Variants in RBMS3 observed in about 807,000 individuals in gnomAD.
RBMS3 encodes RNA binding motif single stranded interacting protein 3.
A neutral mutation model predicts 66.8 loss-of-function variants in RBMS3; 27 were observed. The ratio of observed to expected loss-of-function variants is 0.40; its 90% CI spans 0.30 to 0.56. The LOEUF is 0.56. Ranked by LOEUF, RBMS3 falls within the 20% of genes least tolerant of loss-of-function variation. RBMS3 has a pLI of 0.40. For synonymous variants in RBMS3, 188 were observed against 183.0 expected, an observed-to-expected ratio of 1.03 and a Z score of -0.22; for missense variants, 513 against 549.5, an observed-to-expected ratio of 0.93 and a Z score of 0.66.
chr3:29,542,024 T>C (rs1372556311), intron 3 of RBMS3, among the ~76,000 whole-genome samples: 1 of 152,198 alleles, frequency 6.6e-6, no homozygotes, highest in Non-Finnish European at 1.5e-5. Flanking sequence ...TTATCACAAA[T>C]ATATGTTTAG....
At chr3:29,489,735 G>A (rs1479607125) in intron 3 of RBMS3, among the ~76,000 whole-genome samples, 1 of 114,292 alleles carries the variant, frequency 8.7e-6, no homozygotes, top group South Asian at 2.9e-4. Context: ...GACCCACGTA[G>A]CTGTAAAAAA....
intron 6 of RBMS3, among the ~76,000 whole-genome samples, chr3:29,833,088 G>A (rs1362256171): frequency 6.6e-6 from 1 of 152,138 alleles, no homozygotes; most frequent in Non-Finnish European, 1.5e-5. Flanking sequence ...CTCCCTAAGA[G>A]GGAACAAGTG....
intron 4 of RBMS3, among the ~76,000 whole-genome samples, chr3:29,602,547 T>A (rs1169316928): frequency 6.6e-6 from 1 of 152,022 alleles, no homozygotes; most frequent in Non-Finnish European, 1.5e-5. Context: ...AGTTGAAGAA[T>A]GTAACCATAA....
chr3:29,714,937 A>G (rs1196470852), intron 4 of RBMS3, among the ~76,000 whole-genome samples: 1 of 152,120 alleles, frequency 6.6e-6, no homozygotes, highest in East Asian at 1.9e-4. Flanking sequence ...AGTGAGCTAT[A>G]TATTTTCCAT....
chr3:29,901,858 G>A (rs781571431), intron 10 of RBMS3, among the ~76,000 whole-genome samples: 26 of 151,776 alleles, frequency 1.7e-4, no homozygotes, highest in Non-Finnish European at 3.1e-4. Flanking sequence ...GGAGAAAAGG[G>A]CAAAACAGTA....
chr3:29,609,600 T>C (rs1347673522), intron 4 of RBMS3, among the ~76,000 whole-genome samples: 11 of 152,014 alleles, frequency 7.2e-5, no homozygotes, highest in African/African-American at 2.7e-4. Context: ...GAATCTGTAC[T>C]GCTGTCATCT....
At chr3:29,635,734 C>T (rs777114653) in intron 4 of RBMS3, among the ~76,000 whole-genome samples, 3 of 151,902 alleles carry the variant, frequency 2.0e-5, no homozygotes, top group Non-Finnish European at 2.9e-5. Flanking sequence ...TCAAGATACA[C>T]GTTTCCTATT....
chr3:29,996,973 C>T lies in RBMS3; in HGVS notation c.1307+5764C>T, dbSNP rs909109975. 7.9e-5 allele frequency among the ~76,000 whole-genome samples: 12 copies of T among 152,114 alleles called. No individual in the cohort carries two copies. In the East Asian group the frequency reaches 1.9e-3, roughly 24 times the overall value. ...AAAACCCTTCAAAAAATTAATGAAT[C>T]CAGGAGCTGGTTTTTTGAAAAGATC... is the stretch of plus-strand genomic sequence containing the variant. On this transcript the variant is annotated intron_variant, in intron 14 of 14. Transcript: ENST00000383767.
intron 1 of RBMS3, among the ~76,000 whole-genome samples, chr3:29,412,175 G>A (rs550469525): frequency 5.5e-4 from 84 of 152,258 alleles, no homozygotes; most frequent in African/African-American, 2.0e-3. Context: ...CCAAAAATAA[G>A]GAGCTCATAT....
chr3:29,856,057 G>T (rs2059067071), intron 6 of RBMS3, among the ~76,000 whole-genome samples: 1 of 152,182 alleles, frequency 6.6e-6, no homozygotes, highest in African/African-American at 2.4e-5. Flanking sequence ...AAATGAAATT[G>T]ATTTATAATT....
chr3:29,730,789 G>A lies in RBMS3; in HGVS notation c.400-8931G>A, dbSNP rs1050626951. On this transcript the variant is annotated intron_variant, in intron 4 of 14. Coordinates refer to ENST00000383767, the MANE Select transcript of RBMS3 (RefSeq NM_001003793.3). ...TCTCATTTTTGACCATCAGGACCAC[G>A]AGTACAAAACAATATATATTTGTGA... is the stretch of plus-strand genomic sequence containing the variant. The A allele has an allele frequency of 2.0e-5, 17 of 850,032 alleles. No homozygotes were observed. The African/African-American group carries it at 2.4e-4, about 12-fold the overall frequency. 52.7% of individuals were successfully genotyped at this position (850,032 alleles called of 1,614,324 possible).
intron 3 of RBMS3, among the ~76,000 whole-genome samples, chr3:29,542,014 T>C (rs1021484202): frequency 7.9e-5 from 12 of 152,128 alleles, no homozygotes; most frequent in African/African-American, 2.9e-4. Flanking sequence ...CCCTTGAAAA[T>C]TATCACAAAT....
Position 30,006,254 on chromosome 3 carries a change from G to A in RBMS3, c.*2392G>A, listed in dbSNP as rs755360307. ...TTAAAGGTAAATCATATTCCCATTA[G>A]GTCAACATGAGTAATAAGGTTGACT... is the stretch of plus-strand genomic sequence containing the variant. On this transcript the variant is annotated 3_prime_UTR_variant, in exon 15 of 15. Coordinates refer to ENST00000383767, the MANE Select transcript of RBMS3 (RefSeq NM_001003793.3). 2 of 151,928 alleles carry A rather than the reference G, an allele frequency of 1.3e-5. No individual in the cohort carries two copies. The highest frequency in any genetic ancestry group is 4.8e-5 in the African/African-American group (2 of 41,506). 9.4% of individuals were successfully genotyped at this position (151,928 alleles called of 1,614,324 possible).
intron 14 of RBMS3, among the ~76,000 whole-genome samples, chr3:29,994,482 C>G (rs1699087863): frequency 1.3e-5 from 2 of 152,230 alleles, no homozygotes; most frequent in African/African-American, 2.4e-5. Flanking sequence ...GGACAGGGCA[C>G]AGACAAACAA....
chr3:29,605,478 T>G (rs2048292781), intron 4 of RBMS3, among the ~76,000 whole-genome samples: 1 of 151,862 alleles, frequency 6.6e-6, no homozygotes, highest in African/African-American at 2.4e-5. Context: ...GATCCCAGAT[T>G]ATTGTGTAGA....
intron 6 of RBMS3, among the ~76,000 whole-genome samples, chr3:29,832,632 A>G: frequency 6.6e-6 from 1 of 152,162 alleles, no homozygotes; most frequent in East Asian, 1.9e-4. Context: ...CAGTTCCCCT[A>G]GCTGTATGGG....
intron 2 of RBMS3, among the ~76,000 whole-genome samples, chr3:29,473,944 G>C (rs2125805343): frequency 6.6e-6 from 1 of 152,352 alleles, no homozygotes; most frequent in East Asian, 1.9e-4. Flanking sequence ...CCAGAAAGGG[G>C]CTCCCACAGT....
chr3:29,376,854 G>A (rs190939154), intron 1 of RBMS3, among the ~76,000 whole-genome samples: 13 of 151,690 alleles, frequency 8.6e-5, no homozygotes, highest in Admixed American at 6.6e-4. Flanking sequence ...GCAGTGAGCC[G>A]AGATCGTGCC....
intron 3 of RBMS3, among the ~76,000 whole-genome samples, chr3:29,491,270 C>G (rs370415377): frequency 9.1e-4 from 138 of 152,256 alleles, no homozygotes; most frequent in African/African-American, 3.1e-3. Flanking sequence ...TATTTTGCAA[C>G]AGCTTATTTA....
Sources: allele counts gnomAD v4.1 joint callset (sites outside exome capture counted in the v4.1 genomes callset), GRCh38; gene constraint gnomAD v4.1.1; transcripts MANE v1.5; gene names NCBI Gene and HGNC (gene_info 2026-07-23, HGNC 2026-07-21).